The following EPHA4 variants were observed in gnomAD, a reference collection of about 807,000 sequenced individuals.
EPHA4 encodes the protein ephrin type-A receptor 4.
EPHA4 carries 19 observed loss-of-function variants against 108.3 expected under a neutral mutation model. That is an observed-to-expected ratio of 0.18 (90% CI 0.12 to 0.26). The LOEUF (loss-of-function observed/expected upper bound fraction) is 0.26. Ranked by LOEUF, EPHA4 falls within the 10% of genes least tolerant of loss-of-function variation. The pLI, the probability that EPHA4 is intolerant of heterozygous loss-of-function variation, is 1.00. For missense variants in EPHA4, 917 were observed against 1,254.0 expected, an observed-to-expected ratio of 0.73 and a Z score of 4.06; for synonymous variants, 449 against 455.5, an observed-to-expected ratio of 0.99 and a Z score of 0.18.
chr2:221,433,438 A>G (rs1690140296), intron 14 of EPHA4, among the ~76,000 whole-genome samples: 1 of 152,246 alleles, frequency 6.6e-6, no homozygotes, highest in Non-Finnish European at 1.5e-5. Context: ...GAACTAATGT[A>G]AACTTTTCCA....
At chr2:221,521,998 C>CA (rs1197355313) in intron 3 of EPHA4, among the ~76,000 whole-genome samples, 1 of 151,658 alleles carries the variant, frequency 6.6e-6, no homozygotes, top group South Asian at 2.1e-4. Flanking sequence ...AACAAACAAA[C>CA]AAAAAAACAA....
chr2:221,470,302 CA>C (rs1329107184), intron 5 of EPHA4, among the ~76,000 whole-genome samples: 1 of 137,142 alleles, frequency 7.3e-6, no homozygotes, highest in East Asian at 2.1e-4. Context: ...TAGAATGTTA[CA>C]AATAGGGGAG....
chr2:221,436,324 G>T, intron 13 of EPHA4, 75 bp downstream of exon 13: 3 of 1,393,940 alleles, frequency 2.2e-6, no homozygotes, highest in Non-Finnish European at 3.0e-6. Flanking sequence ...AATTACAAAG[G>T]GCTTCAATCT....
At chr2:221,486,621 C>T (rs897478695) in intron 4 of EPHA4, among the ~76,000 whole-genome samples, 9 of 151,786 alleles carry the variant, frequency 5.9e-5, no homozygotes, top group African/African-American at 2.2e-4. Flanking sequence ...GTAGTCCCAG[C>T]TACTTGGGAG....
At chr2:221,564,538 G>C (rs2106209597) in intron 2 of EPHA4, 144 bp from the exon 3 acceptor site, 1 of 757,410 alleles carries the variant, frequency 1.3e-6, no homozygotes, top group South Asian at 2.2e-5. Flanking sequence ...CACTAATAAA[G>C]GATCTTATGG....
At chr2:221,436,723 C>A in intron 12 of EPHA4, 115 bp from the exon 13 acceptor site, 1 of 1,088,180 alleles carries the variant, frequency 9.2e-7, no homozygotes, top group South Asian at 1.4e-5. Flanking sequence ...CAATGAAACT[C>A]AACATTATTT....
At position 221,419,578 on chromosome 2, in the gene EPHA4, C is replaced by T. The variant is rs575294410; in HGVS notation, c.*1794G>A. On this transcript the variant is annotated 3_prime_UTR_variant, in exon 18 of 18. Coordinates refer to ENST00000281821, the MANE Select transcript of EPHA4 (RefSeq NM_004438.5). ...ATTCCATCTCCTTCTCTCTCTCCAT[C>T]AAGGAACTGATGATTCAGATGAGTT... The T allele has an allele frequency of 6.5e-6, 1 of 152,700 alleles. No homozygotes were observed. Among genetic ancestry groups the T allele is most frequent in the South Asian group, 2.1e-4 (1 of 4,810 alleles). The allele number at this position is 152,700 out of a possible 1,614,324, so 9.5% of individuals were successfully genotyped here. A position where few individuals can be genotyped will look rare whatever the true frequency, so the allele number is the denominator to read the frequency against.
intron 3 of EPHA4, among the ~76,000 whole-genome samples, chr2:221,514,942 C>G (rs1173320424): frequency 3.3e-5 from 5 of 152,122 alleles, no homozygotes; most frequent in Non-Finnish European, 7.4e-5. Flanking sequence ...TACAAAAGAA[C>G]AGCATGTCAC....
At chr2:221,544,851 T>C (rs1028509071) in intron 3 of EPHA4, among the ~76,000 whole-genome samples, 11 of 152,116 alleles carry the variant, frequency 7.2e-5, no homozygotes, top group African/African-American at 1.4e-4. Flanking sequence ...ACCCCAGAGA[T>C]TGCTCTCTCG....
At chr2:221,542,051 C>A (rs946225209) in intron 3 of EPHA4, among the ~76,000 whole-genome samples, 2 of 152,086 alleles carry the variant, frequency 1.3e-5, no homozygotes, top group African/African-American at 4.8e-5. Flanking sequence ...AAAATACATC[C>A]CTGGTTTCAC....
chr2:221,447,343 G>C (rs1397726859), intron 8 of EPHA4, among the ~76,000 whole-genome samples: 2 of 152,158 alleles, frequency 1.3e-5, no homozygotes, highest in Non-Finnish European at 2.9e-5. Context: ...GCAAAGCCAG[G>C]TGTCTTGGCA....
intron 3 of EPHA4, among the ~76,000 whole-genome samples, chr2:221,543,164 C>G (rs1395390506): frequency 6.6e-6 from 1 of 152,098 alleles, no homozygotes; most frequent in African/African-American, 2.4e-5. Context: ...CATTTTAAAA[C>G]TTTGGCCAAG....
At chr2:221,443,423 T>G in intron 10 of EPHA4, 70 bp downstream of exon 10, 1 of 1,152,468 alleles carries the variant, frequency 8.7e-7, no homozygotes, top group Admixed American at 1.8e-5. Flanking sequence ...AGCATTTATG[T>G]AATCCACACA....
chr2:221,464,109 C>T (rs1360132311), intron 5 of EPHA4, among the ~76,000 whole-genome samples: 1 of 152,060 alleles, frequency 6.6e-6, no homozygotes, highest in African/African-American at 2.4e-5. Flanking sequence ...ACACAATGGC[C>T]AGTGTTTGCA....
chr2:221,538,277 T>C (rs965392966), intron 3 of EPHA4, among the ~76,000 whole-genome samples: 3 of 152,224 alleles, frequency 2.0e-5, no homozygotes, highest in Non-Finnish European at 2.9e-5. Context: ...TGTTAATGTA[T>C]TGTCAATGAA....
intron 4 of EPHA4, among the ~76,000 whole-genome samples, chr2:221,487,257 G>A (rs1262582255): frequency 6.6e-6 from 1 of 152,136 alleles, no homozygotes; most frequent in Non-Finnish European, 1.5e-5. Flanking sequence ...GGAATGGATA[G>A]GGAACCTAGG....
intron 2 of EPHA4, among the ~76,000 whole-genome samples, chr2:221,566,130 C>T (rs1694620640): frequency 1.3e-5 from 2 of 152,118 alleles, no homozygotes; most frequent in Non-Finnish European, 1.5e-5. Context: ...CATCACTTTC[C>T]CTAATTCTCA....
At chr2:221,436,971 G>A (rs954576846) in intron 12 of EPHA4, 90 bp downstream of exon 12, 53 of 938,344 alleles carry the variant, frequency 5.6e-5, no homozygotes, top group Non-Finnish European at 7.9e-5. Flanking sequence ...AGAAATCCAC[G>A]AATACCACCG....
intron 5 of EPHA4, among the ~76,000 whole-genome samples, chr2:221,462,199 T>C (rs1691167423): frequency 6.6e-6 from 1 of 151,834 alleles, no homozygotes; most frequent in African/African-American, 2.4e-5. Flanking sequence ...AGTAGCATGG[T>C]TAAAGAAAGA....
Sources: allele counts gnomAD v4.1 joint callset (sites outside exome capture counted in the v4.1 genomes callset), GRCh38; gene constraint gnomAD v4.1.1; transcripts MANE v1.5; gene names NCBI Gene and HGNC (gene_info 2026-07-23, HGNC 2026-07-21).